The following CD4 variants were observed in gnomAD, a reference collection of about 807,000 sequenced individuals.
The protein encoded by CD4 is T-cell surface glycoprotein CD4.
A neutral mutation model predicts 50.5 loss-of-function variants in CD4; 25 were observed. The ratio of observed to expected loss-of-function variants is 0.49; its 90% CI spans 0.36 to 0.69. The LOEUF (loss-of-function observed/expected upper bound fraction) is 0.69, where lower values mean the gene tolerates loss of function less well. Ranked by LOEUF, CD4 falls within the 30% of genes least tolerant of loss-of-function variation. The probability of loss-of-function intolerance (pLI) is 0.00; values close to 1 mark genes in which losing one functional copy is unlikely to be tolerated. For missense variants in CD4, 456 were observed against 548.5 expected (o/e 0.83, Z 1.68); for synonymous variants, 207 against 221.9 (o/e 0.93, Z 0.60).
At position 6,816,660 on chromosome 12, in the gene CD4, C is replaced by T. The variant is rs192453077; in HGVS notation, c.955+257C>T. Among the ~76,000 whole-genome samples, 136 of 152,304 alleles carry T rather than the reference C, an allele frequency of 8.9e-4. 1 individual carries two copies. Among genetic ancestry groups the T allele is most frequent in the African/African-American group, 3.2e-3 (133 of 41,582 alleles). ...GGTTCCAGTTCTTCCTATAACCAAC[C>T]CTCTGTGACCCTGGCTAAGCCCCCT... On this transcript the variant is annotated intron_variant, in intron 6 of 9. Transcript: ENST00000011653. This position sits in a 1 kb window ranked among gnomAD's most constrained non-coding sequence, Gnocchi z 4.9.
chr12:6,798,669 C>G (rs1260337552), intron 1 of CD4, among the ~76,000 whole-genome samples: 1 of 152,202 alleles, frequency 6.6e-6, no homozygotes, highest in Non-Finnish European at 1.5e-5. Context: ...ATCTCTCTTT[C>G]TTTTCCCCAT....
intron 1 of CD4, among the ~76,000 whole-genome samples, chr12:6,790,137 A>G (rs1942112862): frequency 1.2e-5 from 1 of 84,232 alleles, no homozygotes; most frequent in Non-Finnish European, 2.4e-5. Context: ...AATGATGAGG[A>G]AAAACATAAA....
intron 3 of CD4, among the ~76,000 whole-genome samples, chr12:6,801,397 C>G (rs1359678115): frequency 6.7e-6 from 1 of 148,502 alleles, no homozygotes; most frequent in Non-Finnish European, 1.5e-5. Context: ...CAGTCCTGTA[C>G]TTCCAGCTAC....
At chr12:6,811,672 T>TA (rs1484349307) in intron 3 of CD4, among the ~76,000 whole-genome samples, 4 of 114,268 alleles carry the variant, frequency 3.5e-5, no homozygotes, top group Non-Finnish European at 6.6e-5. Flanking sequence ...TTTTTTTTTC[T>TA]TTTTTTTTTT....
intron 3 of CD4, among the ~76,000 whole-genome samples, chr12:6,801,524 A>AG (rs1942547342): frequency 6.6e-6 from 1 of 150,516 alleles, no homozygotes. Context: ...CTCAAAAAAA[A>AG]AAAAAAAGCT....
intron 1 of CD4, among the ~76,000 whole-genome samples, chr12:6,795,049 G>T (rs1162751259): frequency 6.6e-6 from 1 of 151,804 alleles, no homozygotes; most frequent in East Asian, 1.9e-4. Context: ...GCCTCCCAAA[G>T]TGCTGGGAGT....
rs781804414 is a variant in CD4, at chr12:6,801,892, A to G, written c.214+1421A>G. 5.7e-5 allele frequency among the ~76,000 whole-genome samples: 8 copies of G among 139,980 alleles called. No homozygotes were observed. The East Asian group carries it at 1.7e-3, about 29-fold the overall frequency. The allele number at this position is 139,980 out of a possible 152,430, so 91.8% of individuals were successfully genotyped here. A position where few individuals can be genotyped will look rare whatever the true frequency, so the allele number is the denominator to read the frequency against. ...ATTTTTTTCTACTTTTTTTTTTTTG[A>G]GGCAAACTCTCGATCTGTTGCCCAG... On this transcript the variant is annotated intron_variant, in intron 3 of 9. Coordinates refer to ENST00000011653, the MANE Select transcript of CD4 (RefSeq NM_000616.5).
intron 3 of CD4, among the ~76,000 whole-genome samples, chr12:6,809,865 C>T (rs906984847): frequency 5.3e-5 from 8 of 151,052 alleles, no homozygotes; most frequent in Non-Finnish European, 2.9e-5. Context: ...TGCTGCTCCC[C>T]GTCTCTAGTC....
At position 6,818,636 on chromosome 12, in the gene CD4, T is replaced by TCC; in HGVS notation, c.1278+96_1278+97dup. 1 of 1,500,278 alleles carries TCC rather than the reference T, an allele frequency of 6.7e-7. No homozygotes were observed. The allele number at this position is 1,500,278 out of a possible 1,614,324, so 92.9% of individuals were successfully genotyped here. A position where few individuals can be genotyped will look rare whatever the true frequency, so the allele number is the denominator to read the frequency against. The stretch of plus-strand genomic sequence containing the variant: ...ATATGGGAACTGATTTTGGCCCAGC[T>TCC]CCCTCTGCCCACTCGTAAGTTCCCT... On this transcript the variant is annotated intron_variant, in intron 8 of 9. Coordinates refer to ENST00000011653, the MANE Select transcript of CD4 (RefSeq NM_000616.5). The surrounding 1 kb of genome is among the most constrained non-coding windows in gnomAD (Gnocchi z 5.0).
intron 1 of CD4, among the ~76,000 whole-genome samples, chr12:6,798,218 G>GTGCATCTTGCACAGCCCTA (rs1555114620): frequency 1.4e-4 from 19 of 135,016 alleles, no homozygotes; most frequent in African/African-American, 4.1e-4. Context: ...CGCCCAGGCT[G>GTGCATCTTGCACAGCCCTA]GAGTGCAGTG....
At chr12:6,811,417 C>T (rs147369025) in intron 3 of CD4, among the ~76,000 whole-genome samples, 2 of 152,050 alleles carry the variant, frequency 1.3e-5, no homozygotes, top group Admixed American at 1.3e-4. Context: ...CCAGAGATAG[C>T]ATTGCATAGC....
At chr12:6,814,047 G>C (rs781886976) in intron 3 of CD4, 95 bp from the exon 4 acceptor site, 423 of 1,077,898 alleles carry the variant, frequency 3.9e-4, no homozygotes, top group Non-Finnish European at 5.4e-4. Flanking sequence ...CAGGAAATTA[G>C]CAACTGATAT....
rs1415490458 is a variant in CD4, at chr12:6,812,769, TTTTG to T, written c.215-1371_215-1368del. 0.028 allele frequency among the ~76,000 whole-genome samples: 891 copies of T among 32,306 alleles called. 9 individuals are homozygous for T. The East Asian group carries it at 0.33, about 12-fold the overall frequency. The allele number at this position is 32,306 out of a possible 152,430, so 21.2% of individuals were successfully genotyped here. The stretch of plus-strand genomic sequence containing the variant: ...TCTTCCTAGAGGCAACCAAGGTTAT[TTTTG>T]TGTGTGTGTGTGTGTGTGTGTGTGT... On this transcript the variant is annotated intron_variant, in intron 3 of 9. Transcript: ENST00000011653.
chr12:6,793,948 G>A (rs935601083), intron 1 of CD4, among the ~76,000 whole-genome samples: 4 of 96,226 alleles, frequency 4.2e-5, no homozygotes, highest in Admixed American at 2.1e-4. Context: ...CACCACACAC[G>A]ACACCCGGCT....
At chr12:6,801,746 G>A (rs782314588) in intron 3 of CD4, among the ~76,000 whole-genome samples, 5 of 147,704 alleles carry the variant, frequency 3.4e-5, no homozygotes, top group South Asian at 2.2e-4. Context: ...ACTTTTAGTA[G>A]AGACAGAGTT....
intron 4 of CD4, 154 bp downstream of exon 4, chr12:6,814,454 T>C: frequency 1.3e-6 from 1 of 774,974 alleles, no homozygotes; most frequent in Non-Finnish European, 2.0e-6. Flanking sequence ...TTAAAACCCT[T>C]CTTGATCAGG....
At chr12:6,801,856 G>C (rs1051482885) in intron 3 of CD4, among the ~76,000 whole-genome samples, 3 of 146,720 alleles carry the variant, frequency 2.0e-5, no homozygotes, top group Non-Finnish European at 3.0e-5. Context: ...CACTGTGCCC[G>C]GCCCAGAATC....
chr12:6,815,103 GAGA>G (rs1943052053), intron 5 of CD4, 111 bp downstream of exon 5: 3 of 751,832 alleles, frequency 4.0e-6, no homozygotes, highest in Non-Finnish European at 6.7e-6. Flanking sequence ...GTCAGGAGTG[GAGA>G]AGACTAGGTC....
intron 3 of CD4, chr12:6,813,406 C>A (rs1195294588): frequency 6.6e-6 from 1 of 151,808 alleles, no homozygotes; most frequent in Non-Finnish European, 1.5e-5. Context: ...TTAATGGCCT[C>A]ATTTTCTTAT....
Sources: gnomAD v4.1 joint callset for allele counts (sites outside exome capture counted in the v4.1 genomes callset) on GRCh38, gnomAD v4.1.1 for gene constraint, Gnocchi (gnomAD v3.1) non-coding constraint, MANE v1.5 for transcripts, NCBI Gene and HGNC (gene_info 2026-07-23, HGNC 2026-07-21) for gene names.